SH3GLB2: variants seen among roughly 807,000 people sequenced by gnomAD.
SH3GLB2 encodes SH3 domain containing GRB2 like, endophilin B2, also known as endophilin-B2.
A neutral mutation model predicts 48.0 loss-of-function variants in SH3GLB2; 24 were observed. The ratio of observed to expected loss-of-function variants is 0.50; its 90% confidence interval spans 0.36 to 0.70. The LOEUF (loss-of-function observed/expected upper bound fraction) is 0.70, where lower values mean the gene tolerates loss of function less well. SH3GLB2 is among the 30% of genes least tolerant of loss of function. The pLI, the probability that SH3GLB2 is intolerant of heterozygous loss-of-function variation, is 0.00. For missense variants in SH3GLB2, 425 were observed against 516.0 expected, an observed-to-expected ratio of 0.82 and a Z score of 1.71; for synonymous variants, 227 against 207.6, an observed-to-expected ratio of 1.09 and a Z score of -0.80.
chr9:129,015,907 A>G (rs1186021207), intron 3 of SH3GLB2: 2 of 275,986 alleles, frequency 7.2e-6, no homozygotes, highest in Admixed American at 9.1e-5. Flanking sequence ...GGTTTGATTC[A>G]TCACATACAA....
At chr9:129,019,985 C>T (rs1417850538) in intron 3 of SH3GLB2, among the ~76,000 whole-genome samples, 2 of 150,972 alleles carry the variant, frequency 1.3e-5, no homozygotes. Flanking sequence ...GGGCAGATCA[C>T]TTGAGGTCAG....
Position 129,022,324 on chromosome 9 carries a change from TCTC to T in SH3GLB2, c.160_162del (p.Glu54del). 6.2e-7 allele frequency: 1 copy of T among 1,614,124 alleles called. No homozygotes were observed. The highest frequency in any genetic ancestry group is 8.5e-7 in the Non-Finnish European group (1 of 1,180,034). On this transcript the variant is annotated inframe_deletion, in exon 2 of 11. Transcript: ENST00000372564. Reference sequence around the variant, plus strand: ...AGCACCTCTGTCTGCCTCAAGATCTTCTCTGTCCAGTTCTTGGTGCTGTCTGCC... The same window carrying T: ...AGCACCTCTGTCTGCCTCAAGATCTTTGTCCAGTTCTTGGTGCTGTCTGCC...
intron 1 of SH3GLB2, among the ~76,000 whole-genome samples, chr9:129,022,982 G>A (rs1471142515): frequency 2.6e-5 from 4 of 152,122 alleles, no homozygotes; most frequent in Non-Finnish European, 2.9e-5. Flanking sequence ...TTGGGCAAGG[G>A]GCTCTGCCTC....
At chr9:129,018,217 C>T (rs1843555962) in intron 3 of SH3GLB2, among the ~76,000 whole-genome samples, 1 of 152,208 alleles carries the variant, frequency 6.6e-6, no homozygotes, top group Non-Finnish European at 1.5e-5. Flanking sequence ...TGAAACAACA[C>T]ACTACTGACA....
chr9:129,028,304 CAGCCGCCGA>C lies in SH3GLB2; in HGVS notation c.-159_-151del. On this transcript the variant is annotated 5_prime_UTR_variant, in exon 1 of 11. Transcript: ENST00000372564. ...GGCCTGCCCGCCTGCCCGCCCGCCGCAGCCGCCGAGCCAGCCCGAGCGCGCAGGGCGGGG... is the reference window on the plus strand; with the variant it reads ...GGCCTGCCCGCCTGCCCGCCCGCCGCGCCAGCCCGAGCGCGCAGGGCGGGG... The C allele has an allele frequency of 2.5e-6, 1 of 395,134 alleles. No individual in the cohort carries two copies. The highest frequency in any genetic ancestry group is 9.7e-5 in the South Asian group (1 of 10,346). The allele number at this position is 395,134 out of a possible 1,614,324, so 24.5% of individuals were successfully genotyped here.
Position 129,014,614 on chromosome 9 carries a change from G to T in SH3GLB2, c.469-111C>A. On this transcript the variant is annotated intron_variant, in intron 4 of 10. Coordinates refer to ENST00000372564, the MANE Select transcript of SH3GLB2 (RefSeq NM_020145.4). The surrounding 1 kb of genome is among the most constrained non-coding windows in gnomAD (Gnocchi z 4.1). The stretch of plus-strand genomic sequence containing the variant: ...GATCAAGTCAAGATAGGGAAACTGA[G>T]GCCCAGAGATAGGAGGTCACTCAGT... 6.7e-7 allele frequency: 1 copy of T among 1,491,206 alleles called. No homozygotes were observed. The highest frequency in any genetic ancestry group is 9.2e-7 in the Non-Finnish European group (1 of 1,083,892). The allele number at this position is 1,491,206 out of a possible 1,614,324, so 92.4% of individuals were successfully genotyped here.
At chr9:129,010,055 G>A in intron 8 of SH3GLB2, 65 bp downstream of exon 8, 1 of 1,526,894 alleles carries the variant, frequency 6.5e-7, no homozygotes, top group African/African-American at 1.4e-5. Context: ...TGCTGACCTT[G>A]TGGTTCAGGC....
At chr9:129,024,196 CA>C (rs754053182) in intron 1 of SH3GLB2, among the ~76,000 whole-genome samples, 2 of 136,402 alleles carry the variant, frequency 1.5e-5, no homozygotes, top group East Asian at 4.3e-4. Flanking sequence ...CCGATGTGGG[CA>C]GATGGATTGA....
intron 9 of SH3GLB2, 25 bp downstream of exon 9, chr9:129,009,746 G>C (rs776071434): frequency 6.3e-7 from 1 of 1,597,796 alleles, no homozygotes; most frequent in Non-Finnish European, 8.5e-7. Context: ...GGGCCCCAGT[G>C]GGTTCAGCAG....
chr9:129,009,087 C>T lies in SH3GLB2; in HGVS notation c.1080+19G>A, dbSNP rs1203616665. 6.2e-7 allele frequency: 1 copy of T among 1,605,154 alleles called. No individual in the cohort carries two copies. Among genetic ancestry groups the T allele is most frequent in the Admixed American group, 1.7e-5 (1 of 59,958 alleles). On this transcript the variant is annotated intron_variant, in intron 10 of 10. Coordinates refer to ENST00000372564, the MANE Select transcript of SH3GLB2 (RefSeq NM_020145.4). The stretch of plus-strand genomic sequence containing the variant: ...CTCACCCAGCCCATTCCTGCCCCAC[C>T]TTGCGGCACCGGGCCCACCTCATCA...
At chr9:129,020,290 C>G (rs2131283471) in intron 3 of SH3GLB2, among the ~76,000 whole-genome samples, 2 of 149,876 alleles carry the variant, frequency 1.3e-5, no homozygotes, top group South Asian at 4.2e-4. Flanking sequence ...ACAAATAGGC[C>G]AGGTGCGGTG....
intron 5 of SH3GLB2, chr9:129,013,830 G>A (rs1388434215): frequency 6.5e-6 from 2 of 307,782 alleles, no homozygotes; most frequent in East Asian, 9.2e-5. Context: ...GCCTCGCCCT[G>A]GGCACACTGT....
rs189126211 is a variant in SH3GLB2 at position 129,013,037 on chromosome 9, A to G, written c.562-739T>C. On this transcript the variant is annotated intron_variant, in intron 5 of 10. Transcript: ENST00000372564. ...CCCTCACACTGAGCCAAGTTACCCA[A>G]AGCAGGACGGAAAGGAACAAAAACA... 1.9e-3 allele frequency: 2,886 copies of G among 1,551,184 alleles called. 12 individuals carry two copies. Among genetic ancestry groups the G allele is most frequent in the South Asian group, 5.1e-3 (432 of 84,066 alleles).
rs376201952 is a variant in SH3GLB2 at position 129,014,507 on chromosome 9, C to T, written c.469-4G>A. On this transcript the variant is annotated splice_region_variant and splice_polypyrimidine_tract_variant and intron_variant, in intron 4 of 10. Transcript: ENST00000372564. The surrounding 1 kb of genome is among the most constrained non-coding windows in gnomAD (Gnocchi z 4.1). ...TTTGGAGGAGCCGCCTCTCCTTCTA[C>T]AGGGCAGGGCATGGGGACAGTGAGA... is the stretch of plus-strand genomic sequence containing the variant. 24 of 1,551,720 alleles carry T rather than the reference C, an allele frequency of 1.5e-5. No individual in the cohort carries two copies. The African/African-American group carries it at 2.5e-4, about 16-fold the overall frequency.
intron 1 of SH3GLB2, 126 bp downstream of exon 1, chr9:129,027,966 T>A: frequency 1.1e-6 from 1 of 876,114 alleles, no homozygotes; most frequent in Non-Finnish European, 1.6e-6. Flanking sequence ...GGCAGAGGTG[T>A]GCCGCGGCGG....
intron 3 of SH3GLB2, among the ~76,000 whole-genome samples, chr9:129,015,287 G>A (rs1438465448): frequency 3.3e-5 from 5 of 151,692 alleles, no homozygotes; most frequent in Middle Eastern, 3.4e-3. Flanking sequence ...ACTTGAGCTC[G>A]GCAGTTCCAG....
rs1159416665 is a variant in SH3GLB2, at chr9:129,007,634, TC to T, written c.*1049del. On this transcript the variant is annotated 3_prime_UTR_variant, in exon 11 of 11. Coordinates refer to ENST00000372564, the MANE Select transcript of SH3GLB2 (RefSeq NM_020145.4). ...GGAGCTGACTGTCTTGCTGATCTCATCTGTGAAATGTGGACACTGAGGACGG... is the reference window on the plus strand; with the variant it reads ...GGAGCTGACTGTCTTGCTGATCTCATTGTGAAATGTGGACACTGAGGACGG... The T allele has an allele frequency of 6.6e-6, 1 of 152,170 alleles. No individual in the cohort carries two copies. The highest frequency in any genetic ancestry group is 1.5e-5 in the Non-Finnish European group (1 of 68,056). The allele number at this position is 152,170 out of a possible 1,614,324, so 9.4% of individuals were successfully genotyped here. A position where few individuals can be genotyped will look rare whatever the true frequency, so the allele number is the denominator to read the frequency against.
chr9:129,022,556 C>G (rs1843878172), intron 1 of SH3GLB2, 133 bp from the exon 2 acceptor site: 3 of 734,886 alleles, frequency 4.1e-6, no homozygotes, highest in Non-Finnish European at 6.7e-6. Flanking sequence ...AGGAACCAGC[C>G]CTGAGTGTGA....
rs3750340 is a variant in SH3GLB2 at position 129,010,110 on chromosome 9, T to A, written c.738+10A>T. On this transcript the variant is annotated intron_variant, in intron 8 of 10. Coordinates refer to ENST00000372564, the MANE Select transcript of SH3GLB2 (RefSeq NM_020145.4). The stretch of plus-strand genomic sequence containing the variant: ...GGTTAGGTTTAGTGAGGGTGGGCAG[T>A]GGGACTCACGTGAGTGCTACTGATT... 7 of 1,611,776 alleles carry A rather than the reference T, an allele frequency of 4.3e-6. No individual in the cohort carries two copies. Among genetic ancestry groups the A allele is most frequent in the South Asian group, 3.3e-5 (3 of 91,016 alleles).
Sources: allele counts gnomAD v4.1 joint callset (sites outside exome capture counted in the v4.1 genomes callset), GRCh38; gene constraint gnomAD v4.1.1; non-coding constraint Gnocchi (gnomAD v3.1); transcripts MANE v1.5; gene names NCBI Gene and HGNC (gene_info 2026-07-23, HGNC 2026-07-21).